L3MBTL4: variants seen among roughly 807,000 people sequenced by gnomAD.
L3MBTL4 encodes lethal(3)malignant brain tumor-like protein 4.
In L3MBTL4, 70 loss-of-function variants were observed where a neutral mutation model predicts 84.5. The ratio of observed to expected loss-of-function variants is 0.83; its 90% CI spans 0.68 to 1.01. L3MBTL4 has a LOEUF of 1.01. L3MBTL4 is among the 50% of genes least tolerant of loss of function. The pLI is 0.00. For missense variants in L3MBTL4, 715 were observed against 754.8 expected, an observed-to-expected ratio of 0.95 and a Z score of 0.62; for synonymous variants, 274 against 259.8, an observed-to-expected ratio of 1.05 and a Z score of -0.52.
intron 15 of L3MBTL4, among the ~76,000 whole-genome samples, chr18:6,087,724 G>A (rs1227316292): frequency 2.6e-5 from 4 of 152,100 alleles, no homozygotes; most frequent in Admixed American, 6.5e-5. Context: ...TATACACACC[G>A]CTAGAACTGG....
At position 6,301,920 on chromosome 18, in the gene L3MBTL4, G is replaced by A. The variant is rs1281093486; in HGVS notation, c.110C>T (p.Thr37Ile). 6.2e-7 allele frequency: 1 copy of A among 1,613,178 alleles called. No homozygotes were observed. Among genetic ancestry groups the A allele is most frequent in the Non-Finnish European group, 8.5e-7 (1 of 1,179,222 alleles). ...AEEEKKPKDS[T>I]TPLSHVPSAA... ...ATAATTACCGTGACTCAAAGGGGTTGTGCTATCCTTGGGCTTCTTTTCCTC... is the reference window on the plus strand; with the variant it reads ...ATAATTACCGTGACTCAAAGGGGTTATGCTATCCTTGGGCTTCTTTTCCTC... The change falls in exon 4 of 19, where the codon ACA (threonine) becomes ATA (isoleucine). Residue 37 changes from threonine (T) to isoleucine (I), a missense_variant. Physicochemically the swap from Thr to Ile is moderately conservative, Grantham distance 89. Coordinates refer to ENST00000317931, the MANE Select transcript of L3MBTL4 (RefSeq NM_001330559.2).
rs1044885387 is a variant in L3MBTL4 at position 6,183,161 on chromosome 18, G to T, written c.982-11219C>A. Among the ~76,000 whole-genome samples the T allele has an allele frequency of 1.4e-4, 21 of 150,760 alleles. 1 individual carries two copies. The highest frequency in any genetic ancestry group is 5.2e-4 in the African/African-American group (21 of 40,136). Reference sequence around the variant, plus strand: ...TAGAATCCCCAGGGTTTTAATTCTTGTTAAGAAATCTTTAAATATTTCATC... The same window carrying T: ...TAGAATCCCCAGGGTTTTAATTCTTTTTAAGAAATCTTTAAATATTTCATC... On this transcript the variant is annotated intron_variant, in intron 12 of 18. Coordinates refer to ENST00000317931, the MANE Select transcript of L3MBTL4 (RefSeq NM_001330559.2).
intron 3 of L3MBTL4, among the ~76,000 whole-genome samples, chr18:6,311,229 G>T (rs1180094491): frequency 2.0e-5 from 3 of 151,776 alleles, no homozygotes; most frequent in Admixed American, 1.3e-4. Flanking sequence ...TCATCCTAGG[G>T]GGTCCTGTTT....
At chr18:6,377,217 C>T (rs2054403889) in intron 1 of L3MBTL4, among the ~76,000 whole-genome samples, 1 of 152,114 alleles carries the variant, frequency 6.6e-6, no homozygotes, top group African/African-American at 2.4e-5. Context: ...AAACTCATCT[C>T]GTTCGAAAGT....
intron 1 of L3MBTL4, among the ~76,000 whole-genome samples, chr18:6,350,607 C>T (rs1017670983): frequency 2.0e-5 from 3 of 150,616 alleles, no homozygotes; most frequent in African/African-American, 7.3e-5. Flanking sequence ...GAAGTGAATA[C>T]CCTGTGCATT....
chr18:6,350,469 T>C (rs2053127514), intron 1 of L3MBTL4, among the ~76,000 whole-genome samples: 1 of 151,922 alleles, frequency 6.6e-6, no homozygotes, highest in Non-Finnish European at 1.5e-5. Flanking sequence ...AAGAGGATAT[T>C]CTAATAGCCA....
chr18:6,231,205 T>G (rs946778392), intron 10 of L3MBTL4, among the ~76,000 whole-genome samples: 2 of 152,210 alleles, frequency 1.3e-5, no homozygotes, highest in African/African-American at 4.8e-5. Flanking sequence ...GTTTTTATAC[T>G]TGTAGGTTTT....
chr18:6,085,315 T>G (rs1278991823), intron 15 of L3MBTL4, among the ~76,000 whole-genome samples: 1 of 152,198 alleles, frequency 6.6e-6, no homozygotes, highest in Non-Finnish European at 1.5e-5. Context: ...AATAATGCAT[T>G]GGGTCTGTTT....
chr18:6,157,907 C>A (rs186377344), intron 13 of L3MBTL4, among the ~76,000 whole-genome samples: 26 of 152,264 alleles, frequency 1.7e-4, no homozygotes, highest in Admixed American at 1.4e-3. Context: ...TCTCATTTTT[C>A]TGCCTATCAA....
chr18:6,376,204 T>G (rs934938021), intron 1 of L3MBTL4, among the ~76,000 whole-genome samples: 3 of 152,190 alleles, frequency 2.0e-5, no homozygotes, highest in Admixed American at 6.5e-5. Flanking sequence ...GTGCACTCAC[T>G]GCAGCCCACC....
At chr18:6,219,455 G>A (rs1264180193) in intron 10 of L3MBTL4, among the ~76,000 whole-genome samples, 1 of 144,854 alleles carries the variant, frequency 6.9e-6, no homozygotes, top group Admixed American at 6.8e-5. Context: ...GCATGCTTTG[G>A]TTCAGCCACC....
At chr18:5,964,256 C>T (rs2052217517) in intron 17 of L3MBTL4, among the ~76,000 whole-genome samples, 1 of 152,232 alleles carries the variant, frequency 6.6e-6, no homozygotes, top group African/African-American at 2.4e-5. Context: ...GATGACACTG[C>T]CCAGGCTCTG....
intron 9 of L3MBTL4, 62 bp from the exon 10 acceptor site, chr18:6,238,102 A>G (rs778321226): frequency 9.6e-5 from 133 of 1,389,580 alleles, no homozygotes; most frequent in Non-Finnish European, 1.3e-4. Flanking sequence ...AGAATTCAAG[A>G]GTAACAATCA....
chr18:6,276,654 T>TA (rs60947386), intron 4 of L3MBTL4, among the ~76,000 whole-genome samples: 6,413 of 125,038 alleles, frequency 0.051, 397 homozygotes, highest in African/African-American at 0.15. Flanking sequence ...AACAAAGCAT[T>TA]AAAAAAAAAA....
intron 16 of L3MBTL4, among the ~76,000 whole-genome samples, chr18:5,983,623 T>C (rs1050464673): frequency 3.9e-5 from 6 of 152,100 alleles, no homozygotes; most frequent in African/African-American, 1.2e-4. Flanking sequence ...GGGTAATATT[T>C]AGGAACATTC....
chr18:6,130,158 G>T (rs2059828644), intron 14 of L3MBTL4, among the ~76,000 whole-genome samples: 1 of 152,084 alleles, frequency 6.6e-6, no homozygotes, highest in Non-Finnish European at 1.5e-5. Flanking sequence ...GAATAGTGGG[G>T]CGATTTGCCT....
At chr18:6,052,413 T>G (rs935231484) in intron 16 of L3MBTL4, among the ~76,000 whole-genome samples, 1 of 152,238 alleles carries the variant, frequency 6.6e-6, no homozygotes, top group Non-Finnish European at 1.5e-5. Flanking sequence ...TTACACATTT[T>G]CAGAATATGG....
At chr18:6,389,420 A>G (rs1316114124) in intron 1 of L3MBTL4, among the ~76,000 whole-genome samples, 1 of 152,218 alleles carries the variant, frequency 6.6e-6, no homozygotes, top group Non-Finnish European at 1.5e-5. Flanking sequence ...AATAATTAAC[A>G]TGATGACTGG....
chr18:6,201,565 T>C (rs1175336499), intron 12 of L3MBTL4, among the ~76,000 whole-genome samples: 1 of 152,196 alleles, frequency 6.6e-6, no homozygotes. Flanking sequence ...AGCCACAAGA[T>C]TAAATTTTGG....
Sources: allele counts gnomAD v4.1 joint callset (sites outside exome capture counted in the v4.1 genomes callset), GRCh38; gene constraint gnomAD v4.1.1; transcripts MANE v1.5; gene names NCBI Gene and HGNC (gene_info 2026-07-23, HGNC 2026-07-21).